The following WDR7 variants were observed in gnomAD, a reference collection of about 807,000 sequenced individuals.
WDR7 encodes the protein WD repeat-containing protein 7.
WDR7 carries 46 observed loss-of-function variants against 169.4 expected under a neutral mutation model. The ratio of observed to expected loss-of-function variants is 0.27; its 90% CI spans 0.21 to 0.35. The LOEUF is 0.35. Ranked by LOEUF, WDR7 falls within the 10% of genes least tolerant of loss-of-function variation. The pLI, the probability that WDR7 is intolerant of heterozygous loss-of-function variation, is 1.00. For missense variants in WDR7, 1,534 were observed against 1,859.3 expected (o/e 0.83, Z 3.22); for synonymous variants, 612 against 666.8 (o/e 0.92, Z 1.27).
intron 14 of WDR7, among the ~76,000 whole-genome samples, chr18:56,744,638 A>G (rs1192440800): frequency 1.3e-5 from 2 of 152,134 alleles, no homozygotes; most frequent in Admixed American, 1.3e-4. Flanking sequence ...GCCCCATGAT[A>G]GTGGTTCCCA....
intron 21 of WDR7, among the ~76,000 whole-genome samples, chr18:56,909,125 T>A (rs536193031): frequency 6.6e-6 from 1 of 152,274 alleles, no homozygotes; most frequent in East Asian, 1.9e-4. Context: ...ATGAGGAAAC[T>A]TATACCCAGT....
At chr18:56,901,132 G>T (rs2046395513) in intron 21 of WDR7, among the ~76,000 whole-genome samples, 1 of 152,176 alleles carries the variant, frequency 6.6e-6, no homozygotes, top group South Asian at 2.1e-4. Flanking sequence ...AGGCATGATG[G>T]CTCATGCCTG....
chr18:56,968,788 G>T (rs926091975), intron 26 of WDR7, among the ~76,000 whole-genome samples: 1 of 152,106 alleles, frequency 6.6e-6, no homozygotes, highest in Non-Finnish European at 1.5e-5. Flanking sequence ...TAATACAACT[G>T]ACTTCCCTCT....
chr18:56,692,317 G>T (rs2025589269), intron 9 of WDR7, among the ~76,000 whole-genome samples: 2 of 151,824 alleles, frequency 1.3e-5, no homozygotes, highest in South Asian at 4.1e-4. Flanking sequence ...AGTTTATTGT[G>T]ATTTCTGAAA....
chr18:56,850,381 T>C (rs575113984), intron 20 of WDR7, among the ~76,000 whole-genome samples: 2 of 152,352 alleles, frequency 1.3e-5, no homozygotes, highest in South Asian at 4.1e-4. Flanking sequence ...CTGGTAGGTG[T>C]TCAATAAATA....
At chr18:56,674,815 A>G (rs2025210120) in intron 2 of WDR7, among the ~76,000 whole-genome samples, 1 of 152,110 alleles carries the variant, frequency 6.6e-6, no homozygotes. Flanking sequence ...TACTTCTTAC[A>G]TTTAGGTCTT....
intron 2 of WDR7, among the ~76,000 whole-genome samples, chr18:56,678,172 A>T (rs1301056320): frequency 6.6e-6 from 1 of 152,138 alleles, no homozygotes; most frequent in Non-Finnish European, 1.5e-5. Context: ...TCTCTGTGTT[A>T]TCTTGAATTT....
intron 13 of WDR7, among the ~76,000 whole-genome samples, chr18:56,729,023 A>G (rs2026524136): frequency 6.6e-6 from 1 of 152,186 alleles, no homozygotes; most frequent in Non-Finnish European, 1.5e-5. Context: ...GAGGAAGTAT[A>G]AACTTTAGAC....
chr18:56,876,773 A>C (rs1360413189), intron 20 of WDR7, among the ~76,000 whole-genome samples: 1 of 152,234 alleles, frequency 6.6e-6, no homozygotes, highest in African/African-American at 2.4e-5. Context: ...AACTAGAAGC[A>C]AAACAGAAGA....
intron 7 of WDR7, among the ~76,000 whole-genome samples, chr18:56,689,927 T>TAA (rs1301302995): frequency 6.6e-6 from 1 of 152,106 alleles, no homozygotes; most frequent in Non-Finnish European, 1.5e-5. Flanking sequence ...CTGATAAATA[T>TAA]TATAAGAAAT....
At chr18:56,979,470 A>G (rs941539472) in intron 26 of WDR7, among the ~76,000 whole-genome samples, 1 of 152,172 alleles carries the variant, frequency 6.6e-6, no homozygotes, top group Admixed American at 6.5e-5. Flanking sequence ...TTACAACAGG[A>G]GGGAGCCTCT....
chr18:56,662,213 T>C (rs652796), intron 1 of WDR7, among the ~76,000 whole-genome samples: 139,767 of 152,266 alleles, frequency 0.92, 65,312 homozygotes, highest in East Asian at 1. Flanking sequence ...AAGAAGTACA[T>C]AGACTGAGAA....
chr18:56,724,961 T>C (rs557523523), intron 13 of WDR7, among the ~76,000 whole-genome samples: 29 of 152,254 alleles, frequency 1.9e-4, no homozygotes, highest in African/African-American at 7.0e-4. Context: ...GCTTCATCCA[T>C]GTCCTTACAA....
At chr18:56,654,489 C>T (rs2024724528) in intron 1 of WDR7, among the ~76,000 whole-genome samples, 2 of 152,118 alleles carry the variant, frequency 1.3e-5, no homozygotes, top group Admixed American at 6.6e-5. Context: ...TGTGAAATTG[C>T]CTGTTCATCC....
Position 56,794,327 on chromosome 18 carries a change from T to TTTTTTTTTTTTTTTTG in WDR7, c.3190+12671_3190+12672insTTTTTTTTTTTTTTTG, listed in dbSNP as rs1491121428. Among the ~76,000 whole-genome samples the TTTTTTTTTTTTTTTTG allele has an allele frequency of 3.4e-5, 4 of 118,064 alleles. 1 individual carries two copies. The South Asian group carries it at 1.3e-3, about 37-fold the overall frequency. 77.5% of individuals were successfully genotyped at this position (118,064 alleles called of 152,430 possible). A position where few individuals can be genotyped will look rare whatever the true frequency, so the allele number is the denominator to read the frequency against. On this transcript the variant is annotated intron_variant, in intron 19 of 27. Transcript: ENST00000254442. ...CTATTTTTTTTTTTTTTTTTTTTTT[T>TTTTTTTTTTTTTTTTG]GAGACAGAGTCTCACTCTGTCGCCC... is the stretch of plus-strand genomic sequence containing the variant.
At chr18:57,013,598 A>C (rs1312876334) in intron 26 of WDR7, among the ~76,000 whole-genome samples, 1 of 152,254 alleles carries the variant, frequency 6.6e-6, no homozygotes, top group Non-Finnish European at 1.5e-5. Context: ...GAAGAGAGAA[A>C]TAGAAGAGGG....
intron 15 of WDR7, among the ~76,000 whole-genome samples, chr18:56,758,352 G>A (rs1048138130): frequency 2.6e-5 from 4 of 151,882 alleles, no homozygotes; most frequent in South Asian, 2.1e-4. Context: ...CTTTTATTAC[G>A]GAGAACAAAA....
intron 19 of WDR7, among the ~76,000 whole-genome samples, chr18:56,808,542 A>G (rs1391422690): frequency 6.6e-6 from 1 of 152,148 alleles, no homozygotes; most frequent in East Asian, 1.9e-4. Context: ...ATGAAACTAT[A>G]ATGAACTGAA....
chr18:56,843,857 C>CTTTTTTTTTTTTT (rs776575088), intron 20 of WDR7, among the ~76,000 whole-genome samples: 14 of 134,326 alleles, frequency 1.0e-4, no homozygotes, highest in Non-Finnish European at 1.7e-4. Context: ...TTTTTTCTTT[C>CTTTTTTTTTTTTT]TTTTTTTTTT....
Sources: gnomAD v4.1 joint callset for allele counts (sites outside exome capture counted in the v4.1 genomes callset) on GRCh38, gnomAD v4.1.1 for gene constraint, MANE v1.5 for transcripts, NCBI Gene and HGNC (gene_info 2026-07-23, HGNC 2026-07-21) for gene names.